Variants in ARHGAP42 observed in about 807,000 individuals in gnomAD.
ARHGAP42 encodes rho GTPase-activating protein 42.
Under a neutral mutation model 125.0 loss-of-function variants are expected in ARHGAP42, and 63 were observed. That is an observed-to-expected ratio of 0.50 (90% CI 0.41 to 0.62). The LOEUF (loss-of-function observed/expected upper bound fraction) is 0.62, where lower values mean the gene tolerates loss of function less well. Among genes scored for constraint, ARHGAP42 ranks in the 20% least tolerant of loss-of-function variants. The pLI is 0.00. For missense variants in ARHGAP42, 766 were observed against 1,024.2 expected, an observed-to-expected ratio of 0.75 and a Z score of 3.44; for synonymous variants, 339 against 351.0, an observed-to-expected ratio of 0.97 and a Z score of 0.38.
intron 3 of ARHGAP42, among the ~76,000 whole-genome samples, chr11:100,825,099 T>G (rs1041291622): frequency 6.6e-6 from 1 of 152,228 alleles, no homozygotes; most frequent in South Asian, 2.1e-4. Flanking sequence ...TTTTACAGCA[T>G]CATTTTCATT....
At position 100,988,734 on chromosome 11, in the gene ARHGAP42, G is replaced by T; in HGVS notation, c.2558G>T (p.Gly853Val). 1 of 1,550,374 alleles carries T rather than the reference G, an allele frequency of 6.5e-7. No individual in the cohort carries two copies. Among genetic ancestry groups the T allele is most frequent in the Non-Finnish European group, 8.7e-7 (1 of 1,146,100 alleles). The change falls in exon 24 of 24, where the codon GGA becomes GTA. Residue 853 changes from glycine to valine, a missense_variant. Physicochemically the swap from Gly to Val is moderately radical, Grantham distance 109 (BLOSUM62 -3). Transcript: ENST00000298815. ...FSNVYPSVEPGWLKATYEGKT... is the reference protein window; with the variant it reads ...FSNVYPSVEPVWLKATYEGKT... ...CCAGTGTACCCATCAGTGGAACCAG[G>T]ATGGTTAAAGGCAACTTATGAAGGC...
At chr11:100,798,785 A>T (rs1295494503) in intron 3 of ARHGAP42, among the ~76,000 whole-genome samples, 1 of 152,172 alleles carries the variant, frequency 6.6e-6, no homozygotes, top group East Asian at 1.9e-4. Flanking sequence ...TTGATATAAT[A>T]CTCAGGTGTG....
intron 1 of ARHGAP42, among the ~76,000 whole-genome samples, chr11:100,763,109 A>T (rs919579388): frequency 4.7e-5 from 7 of 149,996 alleles, no homozygotes; most frequent in Admixed American, 1.3e-4. Context: ...CCTCCCGAGT[A>T]TCTGGGATAC....
At chr11:100,788,864 A>G (rs1001734667) in intron 2 of ARHGAP42, among the ~76,000 whole-genome samples, 5 of 152,216 alleles carry the variant, frequency 3.3e-5, no homozygotes, top group African/African-American at 1.2e-4. Context: ...AGCAGTCAGT[A>G]TGCTACCTTT....
chr11:100,916,435 A>G (rs545992370), intron 5 of ARHGAP42, among the ~76,000 whole-genome samples: 1 of 152,302 alleles, frequency 6.6e-6, no homozygotes, highest in South Asian at 2.1e-4. Context: ...TAAACACTTC[A>G]ATGGAAAAAA....
At chr11:100,799,375 T>C (rs543543047) in intron 3 of ARHGAP42, among the ~76,000 whole-genome samples, 92 of 152,270 alleles carry the variant, frequency 6.0e-4, no homozygotes, top group Admixed American at 1.4e-3. Context: ...CGTTTTCTGG[T>C]GGGGCAAAGA....
At chr11:100,918,336 A>G (rs1329102432) in intron 5 of ARHGAP42, among the ~76,000 whole-genome samples, 2 of 152,096 alleles carry the variant, frequency 1.3e-5, no homozygotes, top group African/African-American at 4.8e-5. Context: ...AACAAATATC[A>G]CCTGATGCCT....
At chr11:100,894,145 T>A (rs981765347) in intron 4 of ARHGAP42, among the ~76,000 whole-genome samples, 7 of 152,230 alleles carry the variant, frequency 4.6e-5, no homozygotes, top group Admixed American at 3.3e-4. Flanking sequence ...CAGCTATACT[T>A]CTACATTTTA....
intron 5 of ARHGAP42, among the ~76,000 whole-genome samples, chr11:100,920,284 A>G (rs1372317446): frequency 2.0e-5 from 3 of 152,208 alleles, no homozygotes; most frequent in Non-Finnish European, 2.9e-5. Context: ...AAGTATAGAT[A>G]ATTACAGCTG....
intron 5 of ARHGAP42, among the ~76,000 whole-genome samples, chr11:100,917,033 G>C (rs889352841): frequency 2.6e-4 from 40 of 151,492 alleles, no homozygotes; most frequent in African/African-American, 6.8e-4. Context: ...GTGTGTGTGT[G>C]TGTGTGTGTG....
At chr11:100,840,861 T>C (rs17095649) in intron 3 of ARHGAP42, among the ~76,000 whole-genome samples, 86 of 152,296 alleles carry the variant, frequency 5.6e-4, no homozygotes, top group African/African-American at 1.9e-3. Flanking sequence ...TTACTTCAGG[T>C]CAGCTAGGTA....
At chr11:100,728,246 C>G (rs1861894347) in intron 1 of ARHGAP42, among the ~76,000 whole-genome samples, 1 of 152,094 alleles carries the variant, frequency 6.6e-6, no homozygotes, top group African/African-American at 2.4e-5. Flanking sequence ...AAGCAGTTGG[C>G]TATCGAAAAG....
chr11:100,986,355 G>T (rs975268284), intron 22 of ARHGAP42: 2 of 274,504 alleles, frequency 7.3e-6, no homozygotes, highest in African/African-American at 4.6e-5. Context: ...GGCCTGAGGT[G>T]GGAATGAATT....
At chr11:100,869,894 ATGTTT>A (rs1865660153) in intron 4 of ARHGAP42, among the ~76,000 whole-genome samples, 1 of 152,172 alleles carries the variant, frequency 6.6e-6, no homozygotes, top group African/African-American at 2.4e-5. Flanking sequence ...TACTTAAGAA[ATGTTT>A]GAAGCTTCCC....
intron 2 of ARHGAP42, among the ~76,000 whole-genome samples, chr11:100,782,712 A>G (rs1273152640): frequency 6.6e-6 from 1 of 152,150 alleles, no homozygotes; most frequent in African/African-American, 2.4e-5. Flanking sequence ...TCAAGGATAG[A>G]ATTCAGGATA....
intron 1 of ARHGAP42, among the ~76,000 whole-genome samples, chr11:100,715,017 G>A (rs1861632336): frequency 7.8e-6 from 1 of 128,372 alleles, no homozygotes; most frequent in African/African-American, 3.1e-5. Context: ...CCACTTCACC[G>A]CAGGCTGGGC....
intron 1 of ARHGAP42, among the ~76,000 whole-genome samples, chr11:100,718,925 A>G (rs1348901516): frequency 6.6e-6 from 1 of 152,214 alleles, no homozygotes; most frequent in Non-Finnish European, 1.5e-5. Context: ...TTCAAGCTTT[A>G]AAGTATTCTC....
intron 1 of ARHGAP42, among the ~76,000 whole-genome samples, chr11:100,712,495 G>A (rs1861580779): frequency 6.6e-6 from 1 of 152,152 alleles, no homozygotes; most frequent in African/African-American, 2.4e-5. Context: ...TATCAGGGTG[G>A]TGATATTAAA....
chr11:100,797,883 A>G (rs771142298), intron 3 of ARHGAP42, among the ~76,000 whole-genome samples: 7 of 152,194 alleles, frequency 4.6e-5, no homozygotes, highest in African/African-American at 7.2e-5. Context: ...TATCACTAGA[A>G]GTTGATTCTA....
Sources: gnomAD v4.1 joint callset for allele counts (sites outside exome capture counted in the v4.1 genomes callset) on GRCh38, gnomAD v4.1.1 for gene constraint, MANE v1.5 for transcripts, NCBI Gene and HGNC (gene_info 2026-07-23, HGNC 2026-07-21) for gene names.